TAPT1: variants seen among roughly 807,000 people sequenced by gnomAD.
The protein encoded by TAPT1 is transmembrane anterior posterior transformation 1, also known as transmembrane anterior posterior transformation protein 1 homolog.
In TAPT1, 28 loss-of-function variants were observed where a neutral mutation model predicts 65.6. That is an observed-to-expected ratio of 0.43 (90% CI 0.32 to 0.59). TAPT1 has a LOEUF of 0.59. Among genes scored for constraint, TAPT1 ranks in the 20% least tolerant of loss-of-function variants. The pLI is 0.09. For synonymous variants in TAPT1, 278 were observed against 245.2 expected (o/e 1.13, Z -1.25); for missense variants, 563 against 679.9 (o/e 0.83, Z 1.91).
chr4:16,201,463 T>C (rs920557382), intron 3 of TAPT1, among the ~76,000 whole-genome samples: 1 of 152,176 alleles, frequency 6.6e-6, no homozygotes, highest in Non-Finnish European at 1.5e-5. Flanking sequence ...TTTTCCAGCA[T>C]GAAATGTATG....
intron 13 of TAPT1, among the ~76,000 whole-genome samples, chr4:16,164,445 A>C (rs1747449030): frequency 6.6e-6 from 1 of 152,202 alleles, no homozygotes; most frequent in Non-Finnish European, 1.5e-5. Flanking sequence ...CCTCCAAGAC[A>C]TTCTGAGCAA....
At chr4:16,201,670 C>T (rs1329360281) in intron 3 of TAPT1, among the ~76,000 whole-genome samples, 1 of 152,206 alleles carries the variant, frequency 6.6e-6, no homozygotes. Flanking sequence ...TTAACATCTT[C>T]ACCTTACTAT....
intron 2 of TAPT1, among the ~76,000 whole-genome samples, chr4:16,205,361 G>A (rs1174103694): frequency 1.3e-5 from 2 of 152,186 alleles, no homozygotes; most frequent in Non-Finnish European, 2.9e-5. Flanking sequence ...GGTCTAGGGT[G>A]TTAGAAAGTA....
Position 16,162,987 on chromosome 4 carries a change from A to G in TAPT1, c.*321T>C. 2.1e-6 allele frequency: 1 copy of G among 482,674 alleles called. No individual in the cohort carries two copies. The highest frequency in any genetic ancestry group is 2.3e-5 in the Admixed American group (1 of 43,328). 29.9% of individuals were successfully genotyped at this position (482,674 alleles called of 1,614,324 possible). A position where few individuals can be genotyped will look rare whatever the true frequency, so the allele number is the denominator to read the frequency against. Reference sequence around the variant, plus strand: ...CCTTGAGGCAAATTCAACATTCTGGAAGCCCAGACTGACAAAGCAAAACAG... The same window carrying G: ...CCTTGAGGCAAATTCAACATTCTGGGAGCCCAGACTGACAAAGCAAAACAG... On this transcript the variant is annotated 3_prime_UTR_variant, in exon 14 of 14. Coordinates refer to ENST00000405303, the MANE Select transcript of TAPT1 (RefSeq NM_153365.3).
intron 3 of TAPT1, among the ~76,000 whole-genome samples, chr4:16,201,886 C>T (rs1750053400): frequency 1.3e-5 from 2 of 152,134 alleles, no homozygotes; most frequent in Non-Finnish European, 2.9e-5. Context: ...TAATCAATGT[C>T]GGGTCGGGCT....
At chr4:16,202,016 G>T (rs964107317) in intron 3 of TAPT1, among the ~76,000 whole-genome samples, 5 of 152,166 alleles carry the variant, frequency 3.3e-5, no homozygotes, top group Non-Finnish European at 4.4e-5. Context: ...CAAATGAAAT[G>T]GAGGAGGAAC....
At chr4:16,214,026 T>C (rs1750792197) in intron 1 of TAPT1, 128 bp from the exon 2 acceptor site, 1 of 649,288 alleles carries the variant, frequency 1.5e-6, no homozygotes, top group Non-Finnish European at 2.4e-6. Flanking sequence ...TATAATTCTA[T>C]GCCTAGAACT....
chr4:16,182,525 T>C (rs538446470), intron 7 of TAPT1, among the ~76,000 whole-genome samples: 1 of 152,226 alleles, frequency 6.6e-6, no homozygotes, highest in African/African-American at 2.4e-5. Flanking sequence ...TACTTTAACA[T>C]ACTTGCAGTC....
chr4:16,182,288 A>G lies in TAPT1; in HGVS notation c.917-2631T>C, dbSNP rs141900405. On this transcript the variant is annotated intron_variant, in intron 7 of 13. Transcript: ENST00000405303. Reference sequence around the variant, plus strand: ...TGATACTGATAATCAAACATATATTAGATAAATAATGCAATCAGCAACATA... The same window carrying G: ...TGATACTGATAATCAAACATATATTGGATAAATAATGCAATCAGCAACATA... Among the ~76,000 whole-genome samples, 13 of 152,360 alleles carry G rather than the reference A, an allele frequency of 8.5e-5. No individual in the cohort carries two copies. The East Asian group carries it at 2.3e-3, about 27-fold the overall frequency.
At chr4:16,213,574 A>G (rs1230623225) in intron 2 of TAPT1, among the ~76,000 whole-genome samples, 194 bp downstream of exon 2, 1 of 152,202 alleles carries the variant, frequency 6.6e-6, no homozygotes, top group Non-Finnish European at 1.5e-5. Context: ...TAGATCTATT[A>G]ATATCCTATC....
At chr4:16,173,476 T>G (rs1229785476) in intron 11 of TAPT1, among the ~76,000 whole-genome samples, 1 of 152,102 alleles carries the variant, frequency 6.6e-6, no homozygotes, top group African/African-American at 2.4e-5. Flanking sequence ...TGGAGTGCAG[T>G]GGCACGATCT....
chr4:16,202,618 T>C lies in TAPT1; in HGVS notation c.331-38A>G, dbSNP rs780424787. ...AAGGAGAGAAGAAAAAAAAAAAGTA[T>C]TTTAAAAATACTTGTAGATGAAAAT... On this transcript the variant is annotated intron_variant, in intron 2 of 13. Transcript: ENST00000405303. The C allele has an allele frequency of 7.1e-6, 8 of 1,126,994 alleles. No individual in the cohort carries two copies. In the East Asian group the frequency reaches 1.9e-4, roughly 26 times the overall value. 69.8% of individuals were successfully genotyped at this position (1,126,994 alleles called of 1,614,324 possible).
rs1486099198 is a variant in TAPT1, at chr4:16,160,814, T to C, written c.*2494A>G. On this transcript the variant is annotated 3_prime_UTR_variant, in exon 14 of 14. Transcript: ENST00000405303. ...CCAGGAGTGGCAGGATATATTTTGA[T>C]GGCCTAATTATAGCAAGTTTCTTTC... 1 of 152,704 alleles carries C rather than the reference T, an allele frequency of 6.5e-6. No homozygotes were observed. The highest frequency in any genetic ancestry group is 2.4e-5 in the African/African-American group (1 of 41,474). 9.5% of individuals were successfully genotyped at this position (152,704 alleles called of 1,614,324 possible).
intron 1 of TAPT1, chr4:16,216,257 G>A (rs1180142896): frequency 1.3e-5 from 2 of 152,166 alleles, no homozygotes; most frequent in African/African-American, 2.4e-5. Flanking sequence ...TTAAGTGTTT[G>A]CTGGTTCAGT....
intron 1 of TAPT1, among the ~76,000 whole-genome samples, chr4:16,215,355 A>G (rs1362628275): frequency 6.6e-6 from 1 of 152,114 alleles, no homozygotes; most frequent in East Asian, 1.9e-4. Context: ...CTTAGAAGCC[A>G]ACTTGACTAT....
chr4:16,179,545 T>C lies in TAPT1; in HGVS notation c.997+32A>G, dbSNP rs1392266372. 1.4e-5 allele frequency: 19 copies of C among 1,337,302 alleles called. No individual in the cohort carries two copies. The Admixed American group carries it at 4.5e-4, about 31-fold the overall frequency. The allele number at this position is 1,337,302 out of a possible 1,614,324, so 82.8% of individuals were successfully genotyped here. On this transcript the variant is annotated intron_variant, in intron 8 of 13. Transcript: ENST00000405303. ...AATGATTTTGGCTTAGAAGTAAAAT[T>C]ATAAGACACTGTTTTGTTAAGAGTG...
At chr4:16,192,771 C>T (rs115930428) in intron 3 of TAPT1, among the ~76,000 whole-genome samples, 5,384 of 152,060 alleles carry the variant, frequency 0.035, 132 homozygotes, top group South Asian at 0.058. Flanking sequence ...GGCCCGAGTA[C>T]TTTTTTTTAG....
rs1747399881 is a variant in TAPT1, at chr4:16,163,709, C to T, written c.1475-172G>A. 2.0e-5 allele frequency among the ~76,000 whole-genome samples: 3 copies of T among 152,180 alleles called. No homozygotes were observed. In the South Asian group the frequency reaches 6.2e-4, roughly 32 times the overall value. On this transcript the variant is annotated intron_variant, in intron 13 of 13. Coordinates refer to ENST00000405303, the MANE Select transcript of TAPT1 (RefSeq NM_153365.3). ...TAAGCAGCCATCATTTATAATAAAA[C>T]TTAGAGGCTAATCATCTGTTTGTTC...
chr4:16,167,261 G>C (rs969917104), intron 12 of TAPT1, among the ~76,000 whole-genome samples: 11 of 152,088 alleles, frequency 7.2e-5, no homozygotes, highest in African/African-American at 2.4e-4. Flanking sequence ...AAAGTGCTGG[G>C]ATTACAGGTG....
Sources: gnomAD v4.1 joint callset for allele counts (sites outside exome capture counted in the v4.1 genomes callset) on GRCh38, gnomAD v4.1.1 for gene constraint, MANE v1.5 for transcripts, NCBI Gene and HGNC (gene_info 2026-07-23, HGNC 2026-07-21) for gene names.